Variants in KCNH5 observed in about 807,000 individuals in gnomAD.
KCNH5 encodes the protein voltage-gated delayed rectifier potassium channel KCNH5.
KCNH5 carries 46 observed loss-of-function variants against 96.1 expected under a neutral mutation model. The ratio of observed to expected loss-of-function variants is 0.48; its 90% CI spans 0.38 to 0.61. The LOEUF (loss-of-function observed/expected upper bound fraction) is 0.61, where lower values mean the gene tolerates loss of function less well. Among genes scored for constraint, KCNH5 ranks in the 20% least tolerant of loss-of-function variants. The pLI is 0.00. For missense variants in KCNH5, 907 were observed against 1,225.8 expected, an observed-to-expected ratio of 0.74 and a Z score of 3.88; for synonymous variants, 439 against 449.8, an observed-to-expected ratio of 0.98 and a Z score of 0.30.
At chr14:62,992,717 C>T (rs1184407839) in intron 4 of KCNH5, among the ~76,000 whole-genome samples, 1 of 151,836 alleles carries the variant, frequency 6.6e-6, no homozygotes, top group South Asian at 2.1e-4. Context: ...AGATATTAGT[C>T]CTCTGTTGAA....
At chr14:62,867,930 C>T (rs1888166603) in intron 7 of KCNH5, among the ~76,000 whole-genome samples, 1 of 152,212 alleles carries the variant, frequency 6.6e-6, no homozygotes, top group Admixed American at 6.5e-5. Flanking sequence ...ACATAACCTG[C>T]TTTATTGTTC....
intron 8 of KCNH5, among the ~76,000 whole-genome samples, chr14:62,810,267 T>C (rs1886846006): frequency 6.6e-6 from 1 of 152,020 alleles, no homozygotes; most frequent in Non-Finnish European, 1.5e-5. Context: ...ACCCTAATAG[T>C]TAGGCAGGAA....
intron 9 of KCNH5, among the ~76,000 whole-genome samples, chr14:62,787,585 T>A (rs1886344573): frequency 6.6e-6 from 1 of 151,922 alleles, no homozygotes; most frequent in African/African-American, 2.4e-5. Context: ...TAAAAGAAGA[T>A]GCCATCTGGG....
In KCNH5 at chr14:62,849,809, G is replaced by A; in HGVS notation, c.1413C>T (p.Phe471=). Residue 471 remains phenylalanine (F), a synonymous_variant, in exon 8 of 11, where the codon TTC becomes TTT. Transcript: ENST00000322893. ...GGTTGGTGTTGGCATACATTTGCTG[G>A]AAAATTGTTGTAACATTTCCAAAAA... The part of the protein sequence containing the change: ...ATIFGNVTTI[F]QQMYANTNRY... 1 of 1,613,690 alleles carries A rather than the reference G, an allele frequency of 6.2e-7. No individual in the cohort carries two copies. Among genetic ancestry groups the A allele is most frequent in the Non-Finnish European group, 8.5e-7 (1 of 1,179,714 alleles).
intron 4 of KCNH5, among the ~76,000 whole-genome samples, chr14:62,990,181 A>G (rs1890783719): frequency 6.6e-6 from 1 of 152,112 alleles, no homozygotes; most frequent in Non-Finnish European, 1.5e-5. Context: ...ATAAACAAAT[A>G]CAAATCATCA....
At chr14:62,841,564 C>A (rs1035885850) in intron 8 of KCNH5, among the ~76,000 whole-genome samples, 1 of 152,192 alleles carries the variant, frequency 6.6e-6, no homozygotes, top group Non-Finnish European at 1.5e-5. Flanking sequence ...AATTACTCCA[C>A]AATTGATGTT....
intron 10 of KCNH5, among the ~76,000 whole-genome samples, chr14:62,756,141 G>A (rs55937232): frequency 0.071 from 10,841 of 151,806 alleles, 547 homozygotes; most frequent in East Asian, 0.24. Context: ...AAAATCAGTA[G>A]CATTTTTATA....
At chr14:62,728,223 T>C (rs1402960456) in intron 10 of KCNH5, among the ~76,000 whole-genome samples, 2 of 18,590 alleles carry the variant, frequency 1.1e-4, no homozygotes, top group Non-Finnish European at 8.5e-4. Context: ...TCTATTAAAC[T>C]ACAAAAAAAA....
At chr14:62,760,300 T>C (rs1215751387) in intron 10 of KCNH5, among the ~76,000 whole-genome samples, 1 of 152,204 alleles carries the variant, frequency 6.6e-6, no homozygotes, top group Non-Finnish European at 1.5e-5. Flanking sequence ...GTGTTACATA[T>C]TACCCATGTA....
At chr14:62,790,938 T>C (rs1886421464) in intron 9 of KCNH5, among the ~76,000 whole-genome samples, 1 of 151,868 alleles carries the variant, frequency 6.6e-6, no homozygotes, top group Non-Finnish European at 1.5e-5. Flanking sequence ...ATTTTACTTT[T>C]TTCTTTCTGT....
chr14:62,804,592 G>C (rs116883974), intron 8 of KCNH5, among the ~76,000 whole-genome samples: 1,771 of 152,272 alleles, frequency 0.012, 18 homozygotes, highest in Non-Finnish European at 0.017. Flanking sequence ...ATAAAAGCAT[G>C]TGCTGCCTGT....
rs1594651816 is a variant in KCNH5, at chr14:62,969,997, C to G, written c.942+10875G>C. Among the ~76,000 whole-genome samples the G allele has an allele frequency of 2.2e-5, 3 of 138,624 alleles. No individual in the cohort carries two copies. In the South Asian group the frequency reaches 6.7e-4, roughly 31 times the overall value. The allele number at this position is 138,624 out of a possible 152,430, so 90.9% of individuals were successfully genotyped here. A position where few individuals can be genotyped will look rare whatever the true frequency, so the allele number is the denominator to read the frequency against. ...AGGTTGCAGTGAGCTGAGACTGCGC[C>G]ACTGCACTCCAGCTTGGGTGACTGG... On this transcript the variant is annotated intron_variant, in intron 6 of 10. Coordinates refer to ENST00000322893, the MANE Select transcript of KCNH5 (RefSeq NM_139318.5).
chr14:62,929,670 T>C (rs1889543257), intron 7 of KCNH5, among the ~76,000 whole-genome samples: 1 of 152,104 alleles, frequency 6.6e-6, no homozygotes, highest in Non-Finnish European at 1.5e-5. Flanking sequence ...AAAACTCTTA[T>C]TTTTCTTATT....
intron 7 of KCNH5, among the ~76,000 whole-genome samples, chr14:62,920,200 A>G (rs1274929106): frequency 6.6e-6 from 1 of 152,092 alleles, no homozygotes; most frequent in Non-Finnish European, 1.5e-5. Context: ...AGGCTTAGGA[A>G]GAATGATGTG....
chr14:63,023,148 A>G (rs1423253545), intron 1 of KCNH5, among the ~76,000 whole-genome samples: 3 of 151,942 alleles, frequency 2.0e-5, no homozygotes, highest in Non-Finnish European at 4.4e-5. Context: ...GGTTACAGTG[A>G]GCCAAGATCA....
chr14:63,036,593 A>G (rs1891726461), intron 1 of KCNH5, among the ~76,000 whole-genome samples: 1 of 152,192 alleles, frequency 6.6e-6, no homozygotes, highest in East Asian at 1.9e-4. Flanking sequence ...GTACAAGAAG[A>G]GAAATCCTGT....
chr14:62,940,225 T>C (rs930230096), intron 7 of KCNH5, among the ~76,000 whole-genome samples: 8 of 152,146 alleles, frequency 5.3e-5, no homozygotes, highest in South Asian at 2.1e-4. Context: ...GTTTACGTAT[T>C]GTTTATGGCT....
chr14:62,854,164 T>C (rs759113662), intron 7 of KCNH5, among the ~76,000 whole-genome samples: 3 of 151,944 alleles, frequency 2.0e-5, no homozygotes, highest in Non-Finnish European at 1.5e-5. Context: ...ACATTACTTA[T>C]TTATTTATTT....
intron 7 of KCNH5, among the ~76,000 whole-genome samples, chr14:62,884,054 C>A (rs1374952973): frequency 6.6e-6 from 1 of 152,042 alleles, no homozygotes; most frequent in East Asian, 1.9e-4. Flanking sequence ...TAGCCACAGC[C>A]CTTCTTGCCT....
Sources: allele counts gnomAD v4.1 joint callset (sites outside exome capture counted in the v4.1 genomes callset), GRCh38; gene constraint gnomAD v4.1.1; transcripts MANE v1.5; gene names NCBI Gene and HGNC (gene_info 2026-07-23, HGNC 2026-07-21).